Variants in EPHA7 observed in about 807,000 individuals in gnomAD.
The protein encoded by EPHA7 is ephrin type-A receptor 7.
Under a neutral mutation model 112.6 loss-of-function variants are expected in EPHA7, and 25 were observed. That is an observed-to-expected ratio of 0.22 (90% CI 0.16 to 0.31). EPHA7 has a LOEUF of 0.31. EPHA7 is among the 10% of genes least tolerant of loss of function. The pLI, the probability that EPHA7 is intolerant of heterozygous loss-of-function variation, is 1.00. For synonymous variants in EPHA7, 437 were observed against 406.5 expected, an observed-to-expected ratio of 1.07 and a Z score of -0.90; for missense variants, 962 against 1,212.6, an observed-to-expected ratio of 0.79 and a Z score of 3.07.
At chr6:93,335,121 C>T (rs781377417) in intron 5 of EPHA7, among the ~76,000 whole-genome samples, 2 of 152,024 alleles carry the variant, frequency 1.3e-5, no homozygotes, top group African/African-American at 4.8e-5. Flanking sequence ...ATATTCCTCA[C>T]AAAACTATCG....
At chr6:93,395,481 T>C (rs1778121616) in intron 3 of EPHA7, among the ~76,000 whole-genome samples, 2 of 151,488 alleles carry the variant, frequency 1.3e-5, no homozygotes, top group African/African-American at 4.8e-5. Context: ...ACAAAAATAA[T>C]ACAAACTTAA....
At chr6:93,383,277 T>C (rs1347588000) in intron 3 of EPHA7, among the ~76,000 whole-genome samples, 1 of 151,016 alleles carries the variant, frequency 6.6e-6, no homozygotes, top group Non-Finnish European at 1.5e-5. Flanking sequence ...TGTGTGTGTG[T>C]GTGTGTGTGT....
At chr6:93,267,432 C>A (rs1770999396) in intron 7 of EPHA7, among the ~76,000 whole-genome samples, 1 of 151,696 alleles carries the variant, frequency 6.6e-6, no homozygotes, top group African/African-American at 2.4e-5. Flanking sequence ...TGAAACCAGG[C>A]AGCTCTCTAC....
chr6:93,415,006 T>A (rs2127997582), intron 1 of EPHA7, among the ~76,000 whole-genome samples: 1 of 152,140 alleles, frequency 6.6e-6, no homozygotes, highest in Non-Finnish European at 1.5e-5. Flanking sequence ...CAATATTAAA[T>A]CTTAAAATGC....
intron 3 of EPHA7, among the ~76,000 whole-genome samples, chr6:93,397,428 T>C (rs1046977304): frequency 8.5e-5 from 13 of 152,070 alleles, no homozygotes; most frequent in South Asian, 4.1e-4. Context: ...ATCAAATAAA[T>C]CATTACTCTT....
intron 5 of EPHA7, 40 bp downstream of exon 5, chr6:93,356,677 T>C (rs957307718): frequency 6.5e-6 from 10 of 1,537,594 alleles, no homozygotes; most frequent in Non-Finnish European, 8.0e-6. Context: ...ACTTAGGTAG[T>C]CACATTATTT....
chr6:93,318,347 T>A (rs190043105), intron 5 of EPHA7, among the ~76,000 whole-genome samples: 2 of 152,102 alleles, frequency 1.3e-5, no homozygotes, highest in Admixed American at 1.3e-4. Context: ...AAGTGAAAGA[T>A]ATGCACAGAA....
chr6:93,251,603 A>G (rs1770215166), intron 14 of EPHA7, among the ~76,000 whole-genome samples: 1 of 131,294 alleles, frequency 7.6e-6, no homozygotes, highest in Admixed American at 8.4e-5. Flanking sequence ...CTAATGTAAG[A>G]AAAATACTGC....
At chr6:93,293,638 C>T (rs1772499452) in intron 5 of EPHA7, among the ~76,000 whole-genome samples, 2 of 152,050 alleles carry the variant, frequency 1.3e-5, no homozygotes, top group African/African-American at 4.8e-5. Flanking sequence ...ATATCAACTC[C>T]CAAGACAACC....
At chr6:93,338,689 A>G (rs934885800) in intron 5 of EPHA7, among the ~76,000 whole-genome samples, 1 of 151,904 alleles carries the variant, frequency 6.6e-6, no homozygotes. Context: ...GATACAGAAT[A>G]TATCTTAAAA....
At chr6:93,415,757 T>C (rs1779190217) in intron 1 of EPHA7, among the ~76,000 whole-genome samples, 1 of 152,158 alleles carries the variant, frequency 6.6e-6, no homozygotes, top group African/African-American at 2.4e-5. Context: ...TGAATAAATT[T>C]TAAGTATGTC....
intron 7 of EPHA7, among the ~76,000 whole-genome samples, chr6:93,265,740 A>G (rs1770902976): frequency 6.6e-6 from 1 of 151,708 alleles, no homozygotes; most frequent in South Asian, 2.1e-4. Context: ...GAAACAATCA[A>G]GAGCTGCAAT....
chr6:93,243,786 G>A (rs917000794), intron 16 of EPHA7, among the ~76,000 whole-genome samples: 2 of 152,000 alleles, frequency 1.3e-5, no homozygotes, highest in African/African-American at 4.8e-5. Flanking sequence ...AAAGTGATTT[G>A]AAATTTTACA....
At chr6:93,387,830 A>G (rs1390542561) in intron 3 of EPHA7, among the ~76,000 whole-genome samples, 1 of 152,060 alleles carries the variant, frequency 6.6e-6, no homozygotes, top group African/African-American at 2.4e-5. Context: ...GATCTAATCA[A>G]CTTGCATGAG....
At chr6:93,286,563 T>C (rs373963771) in intron 5 of EPHA7, among the ~76,000 whole-genome samples, 3 of 152,288 alleles carry the variant, frequency 2.0e-5, no homozygotes, top group African/African-American at 7.2e-5. Flanking sequence ...CACACTTAAC[T>C]TGATTCTCCC....
intron 1 of EPHA7, among the ~76,000 whole-genome samples, chr6:93,418,803 C>T (rs1779376740): frequency 6.6e-6 from 1 of 152,142 alleles, no homozygotes; most frequent in Non-Finnish European, 1.5e-5. Context: ...GGCGGGCTGG[C>T]GGAGACGGTA....
intron 5 of EPHA7, among the ~76,000 whole-genome samples, chr6:93,285,044 C>G (rs934516012): frequency 1.3e-5 from 2 of 152,206 alleles, no homozygotes; most frequent in Admixed American, 1.3e-4. Context: ...GCTCCAGGTA[C>G]TCTGAATACA....
intron 5 of EPHA7, among the ~76,000 whole-genome samples, chr6:93,287,253 T>C (rs1772114021): frequency 6.6e-6 from 1 of 152,204 alleles, no homozygotes; most frequent in Admixed American, 6.5e-5. Context: ...GGAATCTCTT[T>C]TCTTCACTGT....
At chr6:93,303,202 G>T (rs969311781) in intron 5 of EPHA7, among the ~76,000 whole-genome samples, 1 of 152,144 alleles carries the variant, frequency 6.6e-6, no homozygotes, top group African/African-American at 2.4e-5. Flanking sequence ...CAGAGAATGT[G>T]AAGTTATACT....
Sources: gnomAD v4.1 joint callset for allele counts (sites outside exome capture counted in the v4.1 genomes callset) on GRCh38, gnomAD v4.1.1 for gene constraint, MANE v1.5 for transcripts, NCBI Gene and HGNC (gene_info 2026-07-23, HGNC 2026-07-21) for gene names.